Variants in SV2B observed in about 807,000 individuals in gnomAD.
SV2B encodes the protein synaptic vesicle glycoprotein 2B.
Under a neutral mutation model 73.9 loss-of-function variants are expected in SV2B, and 41 were observed. The ratio of observed to expected loss-of-function variants is 0.56; its 90% CI spans 0.43 to 0.72. SV2B has a LOEUF of 0.72. Ranked by LOEUF, SV2B falls within the 30% of genes least tolerant of loss-of-function variation. The pLI is 0.00. For synonymous variants in SV2B, 314 were observed against 314.2 expected, an observed-to-expected ratio of 1.00 and a Z score of 0.01; for missense variants, 764 against 857.8, an observed-to-expected ratio of 0.89 and a Z score of 1.37.
At position 91,264,236 on chromosome 15, in the gene SV2B, A is replaced by G. The variant is rs1019047246; in HGVS notation, c.1009-2346A>G. The stretch of plus-strand genomic sequence containing the variant: ...CCAAACAGGCCCCACTGGGAGCCCC[A>G]TTTTTGGAGAAGTGATCCCACATTC... On this transcript the variant is annotated intron_variant, in intron 6 of 12. Coordinates refer to ENST00000394232, the MANE Select transcript of SV2B (RefSeq NM_001323032.3). 3.9e-5 allele frequency among the ~76,000 whole-genome samples: 6 copies of G among 152,344 alleles called. No homozygotes were observed. In the East Asian group the frequency reaches 1.2e-3, roughly 29 times the overall value.
intron 1 of SV2B, among the ~76,000 whole-genome samples, chr15:91,219,306 G>A (rs2141458142): frequency 6.6e-6 from 1 of 152,238 alleles, no homozygotes; most frequent in Middle Eastern, 3.4e-3. Context: ...AAGAGGTTCA[G>A]AATTATCCTT....
chr15:91,150,680 G>A (rs2043288278), intron 1 of SV2B, among the ~76,000 whole-genome samples: 1 of 152,192 alleles, frequency 6.6e-6, no homozygotes, highest in Non-Finnish European at 1.5e-5. Context: ...GGCACAAATT[G>A]TAAGGAAACG....
chr15:91,238,397 C>G (rs1311397326), intron 2 of SV2B, among the ~76,000 whole-genome samples: 2 of 152,174 alleles, frequency 1.3e-5, no homozygotes, highest in Non-Finnish European at 2.9e-5. Context: ...CTTGGAAAAA[C>G]TAGTCAGTGA....
At position 91,239,604 on chromosome 15, in the gene SV2B, A is replaced by G. The variant is rs72655642; in HGVS notation, c.452-12215A>G. On this transcript the variant is annotated intron_variant, in intron 2 of 12. Coordinates refer to ENST00000394232, the MANE Select transcript of SV2B (RefSeq NM_001323032.3). The surrounding 1 kb of genome is among the most constrained non-coding windows in gnomAD (Gnocchi z 5.1). ...GCACAGAATTCTTCCCCCTGTGCCA[A>G]GTTGTCTTGCTGTTTGCTTGTGAGG... 0.16 allele frequency among the ~76,000 whole-genome samples: 25,008 copies of G among 151,962 alleles called. 2,175 individuals carry two copies. The highest frequency in any genetic ancestry group is 0.2 in the Non-Finnish European group (13,749 of 67,926).
chr15:91,248,060 G>T (rs1459523659), intron 2 of SV2B, among the ~76,000 whole-genome samples: 5 of 152,076 alleles, frequency 3.3e-5, no homozygotes, highest in African/African-American at 1.2e-4. Context: ...TCCTTGTCAC[G>T]CCTGTAATCC....
rs2046320604 is a variant in SV2B at position 91,224,731 on chromosome 15, T to A, written c.-391-1142T>A. ...TCTCTCAAATGAAGATACAGATGATTTTTTTTCTTTCTTTTTTTGCTGTTG... is the reference window on the plus strand; with the variant it reads ...TCTCTCAAATGAAGATACAGATGATATTTTTTCTTTCTTTTTTTGCTGTTG... On this transcript the variant is annotated intron_variant, in intron 1 of 12. Transcript: ENST00000394232. This position sits in a 1 kb window ranked among gnomAD's most constrained non-coding sequence, Gnocchi z 4.9. Among the ~76,000 whole-genome samples, 2 of 152,128 alleles carry A rather than the reference T, an allele frequency of 1.3e-5. No individual in the cohort carries two copies. The highest frequency in any genetic ancestry group is 4.8e-5 in the African/African-American group (2 of 41,426).
At chr15:91,187,517 C>A (rs2044820779) in intron 1 of SV2B, among the ~76,000 whole-genome samples, 1 of 152,142 alleles carries the variant, frequency 6.6e-6, no homozygotes, top group Non-Finnish European at 1.5e-5. Flanking sequence ...CTGGAAGTCA[C>A]CCCATTCTAA....
intron 1 of SV2B, among the ~76,000 whole-genome samples, chr15:91,120,203 C>A (rs918678421): frequency 6.6e-6 from 1 of 152,150 alleles, no homozygotes; most frequent in Non-Finnish European, 1.5e-5. Flanking sequence ...ACAAGCTTAA[C>A]AGGAAGCATG....
At chr15:91,277,927 G>A (rs2106692) in intron 9 of SV2B, among the ~76,000 whole-genome samples, 53,422 of 152,078 alleles carry the variant, frequency 0.35, 10,875 homozygotes, top group African/African-American at 0.56. Context: ...AGGAGACAGA[G>A]TGAAGTATCG....
intron 1 of SV2B, among the ~76,000 whole-genome samples, chr15:91,171,991 T>G (rs994417063): frequency 3.9e-5 from 6 of 152,204 alleles, no homozygotes; most frequent in Non-Finnish European, 8.8e-5. Context: ...AAGCAGATTT[T>G]TGGGGGTGAT....
At chr15:91,176,547 T>C (rs1185659953) in intron 1 of SV2B, among the ~76,000 whole-genome samples, 3 of 152,284 alleles carry the variant, frequency 2.0e-5, no homozygotes, top group South Asian at 4.1e-4. Flanking sequence ...TCCTCTCCAG[T>C]CCCTGTTGTT....
chr15:91,248,430 G>C (rs993789189), intron 2 of SV2B, among the ~76,000 whole-genome samples: 1 of 152,174 alleles, frequency 6.6e-6, no homozygotes, highest in Admixed American at 6.5e-5. Flanking sequence ...GAAATCCACA[G>C]TACTTCATCT....
intron 1 of SV2B, among the ~76,000 whole-genome samples, chr15:91,217,159 G>A (rs1389594393): frequency 1.3e-5 from 2 of 152,192 alleles, no homozygotes; most frequent in Non-Finnish European, 2.9e-5. Context: ...TTCCAGGTGT[G>A]AGCCACCGCG....
rs144052159 is a variant in SV2B at position 91,279,392 on chromosome 15, T to C, written c.1374-2336T>C. On this transcript the variant is annotated intron_variant, in intron 9 of 12. Coordinates refer to ENST00000394232, the MANE Select transcript of SV2B (RefSeq NM_001323032.3). ...GTAATGACAATTTTGTCATGGACCT[T>C]GGATTGCCAATGGCTTCTGTTGCCT... Among the ~76,000 whole-genome samples the C allele has an allele frequency of 2.3e-3, 344 of 152,352 alleles. 1 individual carries two copies. Among genetic ancestry groups the C allele is most frequent in the African/African-American group, 6.3e-3 (264 of 41,576 alleles).
At chr15:91,187,020 C>T (rs1035886635) in intron 1 of SV2B, among the ~76,000 whole-genome samples, 7 of 152,118 alleles carry the variant, frequency 4.6e-5, no homozygotes, top group Admixed American at 2.6e-4. Flanking sequence ...TGTAAGGAGA[C>T]GATTGAACAT....
chr15:91,217,049 G>A (rs1248070625), intron 1 of SV2B, among the ~76,000 whole-genome samples: 2 of 151,558 alleles, frequency 1.3e-5, no homozygotes, highest in African/African-American at 4.9e-5. Flanking sequence ...CACCACGCTC[G>A]GCTAATTAGT....
Position 91,177,830 on chromosome 15 carries a change from A to G in SV2B, c.-391-48043A>G, listed in dbSNP as rs1221074964. Among the ~76,000 whole-genome samples the G allele has an allele frequency of 1.6e-4, 22 of 139,010 alleles. No individual in the cohort carries two copies. In the East Asian group the frequency reaches 2.9e-3, roughly 18 times the overall value. The allele number at this position is 139,010 out of a possible 152,430, so 91.2% of individuals were successfully genotyped here. A position where few individuals can be genotyped will look rare whatever the true frequency, so the allele number is the denominator to read the frequency against. ...GGTTTTCTAGATATACAATCATGTCATCTGCAAACAGGGACAATTTGACTT... is the reference window on the plus strand; with the variant it reads ...GGTTTTCTAGATATACAATCATGTCGTCTGCAAACAGGGACAATTTGACTT... On this transcript the variant is annotated intron_variant, in intron 1 of 12. Transcript: ENST00000394232.
Position 91,297,740 on chromosome 15 carries a change from T to G in SV2B, c.*5188T>G, listed in dbSNP as rs539814288. On this transcript the variant is annotated 3_prime_UTR_variant, in exon 13 of 13. Transcript: ENST00000394232. This position sits in a 1 kb window ranked among gnomAD's most constrained non-coding sequence, Gnocchi z 5.1. Reference sequence around the variant, plus strand: ...CTGTGAAAAATGATCACCATTTTCCTAGAGCTCCGAGACAACTAGTGGTAG... The same window carrying G: ...CTGTGAAAAATGATCACCATTTTCCGAGAGCTCCGAGACAACTAGTGGTAG... The G allele has an allele frequency of 1.3e-5, 2 of 152,334 alleles. 1 individual carries two copies. The highest frequency in any genetic ancestry group is 4.1e-4 in the South Asian group (2 of 4,822). The allele number at this position is 152,334 out of a possible 1,614,324, so 9.4% of individuals were successfully genotyped here.
intron 11 of SV2B, among the ~76,000 whole-genome samples, chr15:91,287,681 G>A (rs992451317): frequency 6.6e-6 from 1 of 152,180 alleles, no homozygotes; most frequent in East Asian, 1.9e-4. Context: ...AGCCCTGCGA[G>A]GCTAACCTCA....
Sources: allele counts gnomAD v4.1 joint callset (sites outside exome capture counted in the v4.1 genomes callset), GRCh38; gene constraint gnomAD v4.1.1; non-coding constraint Gnocchi (gnomAD v3.1); transcripts MANE v1.5; gene names NCBI Gene and HGNC (gene_info 2026-07-23, HGNC 2026-07-21).